CCDC33: variants seen among roughly 807,000 people sequenced by gnomAD.
CCDC33 encodes the protein coiled-coil domain-containing protein 33.
Under a neutral mutation model 91.9 loss-of-function variants are expected in CCDC33, and 94 were observed. That is an observed-to-expected ratio of 1.02 (90% CI 0.87 to 1.21). The LOEUF is 1.21. CCDC33 is among the 50% of genes most tolerant of loss of function. The pLI, the probability that CCDC33 is intolerant of heterozygous loss-of-function variation, is 0.00. For missense variants in CCDC33, 940 were observed against 935.5 expected (o/e 1.00, Z -0.06); for synonymous variants, 396 against 374.5 (o/e 1.06, Z -0.66).
intron 7 of CCDC33, among the ~76,000 whole-genome samples, chr15:74,274,096 C>T (rs892562012): frequency 3.3e-5 from 5 of 152,192 alleles, no homozygotes; most frequent in Non-Finnish European, 7.3e-5. Context: ...TCCCAAAGTG[C>T]TGGAATTACA....
intron 10 of CCDC33, among the ~76,000 whole-genome samples, chr15:74,284,993 A>G (rs974578479): frequency 3.9e-5 from 6 of 152,268 alleles, no homozygotes; most frequent in Admixed American, 3.9e-4. Flanking sequence ...TGGAGGTCTT[A>G]GAGTCCTGTG....
At position 74,268,463 on chromosome 15, in the gene CCDC33, C is replaced by T; in HGVS notation, c.546+5C>T. 6.6e-7 allele frequency: 1 copy of T among 1,514,114 alleles called. No individual in the cohort carries two copies. Among genetic ancestry groups the T allele is most frequent in the Non-Finnish European group, 9.0e-7 (1 of 1,116,544 alleles). The allele number at this position is 1,514,114 out of a possible 1,614,324, so 93.8% of individuals were successfully genotyped here. On this transcript the variant is annotated splice_donor_5th_base_variant and intron_variant, in intron 5 of 18. Transcript: ENST00000398814. ...TGCAACCACATGGCTCTGGAGGTAC[C>T]AGGGCTGGGGCCCTCTGGGGTGGTG... is the stretch of plus-strand genomic sequence containing the variant.
At chr15:74,207,887 G>T (rs2142113718) in intron 1 of CCDC33, 1 of 1,502,778 alleles carries the variant, frequency 6.7e-7, no homozygotes. Context: ...GGGCTGGAAG[G>T]CAGTGTCGTC....
chr15:74,286,545 G>T (rs561252434), intron 10 of CCDC33, among the ~76,000 whole-genome samples: 1 of 152,270 alleles, frequency 6.6e-6, no homozygotes, highest in South Asian at 2.1e-4. Flanking sequence ...TTGGAGCCTG[G>T]CATGCACACA....
chr15:74,328,681 A>G (rs952106242), intron 11 of CCDC33, among the ~76,000 whole-genome samples: 1 of 152,196 alleles, frequency 6.6e-6, no homozygotes. Flanking sequence ...GTGGCAGGTG[A>G]CAAGTGGTGT....
chr15:74,266,917 G>C, intron 4 of CCDC33, 130 bp downstream of exon 4: 1 of 636,594 alleles, frequency 1.6e-6, no homozygotes, highest in Non-Finnish European at 2.8e-6. Flanking sequence ...GGACCATGTG[G>C]GGCTCAGGAA....
At chr15:74,246,035 GCCATAGAACCTGGAAAGA>G (rs1418717389) in intron 2 of CCDC33, among the ~76,000 whole-genome samples, 2 of 152,216 alleles carry the variant, frequency 1.3e-5, no homozygotes, top group Non-Finnish European at 2.9e-5. Flanking sequence ...ACCCTCAGAG[GCCATAGAACCTGGAAAGA>G]ATTTATATCC....
intron 2 of CCDC33, among the ~76,000 whole-genome samples, chr15:74,262,052 A>T (rs2076037811): frequency 3.7e-5 from 1 of 27,212 alleles, no homozygotes; most frequent in African/African-American, 1.4e-4. Flanking sequence ...TGCCCAGAGG[A>T]TTCCTCCCAC....
At chr15:74,266,441 G>C (rs960011977) in intron 3 of CCDC33, among the ~76,000 whole-genome samples, 2 of 152,212 alleles carry the variant, frequency 1.3e-5, no homozygotes, top group African/African-American at 2.4e-5. Context: ...GGAGAAAATT[G>C]CATGTTGGGG....
At chr15:74,283,681 A>G (rs2059415955) in intron 10 of CCDC33, among the ~76,000 whole-genome samples, 1 of 152,088 alleles carries the variant, frequency 6.6e-6, no homozygotes, top group African/African-American at 2.4e-5. Context: ...GGAGGCGGGT[A>G]AAAAACCTTT....
intron 17 of CCDC33, among the ~76,000 whole-genome samples, chr15:74,334,682 T>C (rs564601113): frequency 1.3e-5 from 2 of 152,278 alleles, no homozygotes; most frequent in Admixed American, 1.3e-4. Flanking sequence ...CAGGGTTCAT[T>C]GTGTGACCAG....
intron 1 of CCDC33, chr15:74,207,697 C>T (rs1251105030): frequency 6.5e-7 from 1 of 1,535,702 alleles, no homozygotes; most frequent in Admixed American, 2.0e-5. Context: ...CTGTGCCCAC[C>T]TGTGCAGCCC....
chr15:74,219,184 G>A (rs377025691), intron 2 of CCDC33, among the ~76,000 whole-genome samples: 3 of 152,198 alleles, frequency 2.0e-5, no homozygotes, highest in African/African-American at 7.2e-5. Flanking sequence ...GGGAGGCCCC[G>A]AGTGACCAGG....
chr15:74,215,888 A>G (rs2074433421), upstream of CCDC33, among the ~76,000 whole-genome samples: 1 of 137,466 alleles, frequency 7.3e-6, no homozygotes, highest in African/African-American at 3.4e-5. Flanking sequence ...AAAAAAAAAA[A>G]AGAAAGAAAG....
intron 1 of CCDC33, among the ~76,000 whole-genome samples, chr15:74,237,514 TAAGCCA>T (rs1348498038): frequency 2.0e-5 from 3 of 152,366 alleles, no homozygotes; most frequent in Non-Finnish European, 4.4e-5. Context: ...TCAGGTTGAA[TAAGCCA>T]AATAGCTGGG....
rs146446676 is a variant in CCDC33, at chr15:74,253,228, G to A, written c.185+9080G>A. On this transcript the variant is annotated intron_variant, in intron 2 of 18. Transcript: ENST00000398814. Reference sequence around the variant, plus strand: ...CTCCTCTGCTTACTCCTGAGCATGGGCAGAGCGGCTGACAGCCTCCTCCTC... The same window carrying A: ...CTCCTCTGCTTACTCCTGAGCATGGACAGAGCGGCTGACAGCCTCCTCCTC... 2.0e-4 allele frequency among the ~76,000 whole-genome samples: 30 copies of A among 152,278 alleles called. No homozygotes were observed. In the East Asian group the frequency reaches 5.8e-3, roughly 29 times the overall value.
At chr15:74,270,204 T>C (rs1481187934) in intron 5 of CCDC33, among the ~76,000 whole-genome samples, 1 of 151,878 alleles carries the variant, frequency 6.6e-6, no homozygotes, top group Non-Finnish European at 1.5e-5. Context: ...CCAGCTGAGA[T>C]GGGTATTGAA....
intron 10 of CCDC33, 23 bp downstream of exon 10, chr15:74,281,872 G>C: frequency 6.2e-7 from 1 of 1,606,124 alleles, no homozygotes; most frequent in African/African-American, 1.3e-5. Context: ...GCCAGGGGAG[G>C]GTCAGGGCCA....
intron 7 of CCDC33, among the ~76,000 whole-genome samples, chr15:74,278,475 C>T (rs2076506960): frequency 6.6e-6 from 1 of 152,196 alleles, no homozygotes; most frequent in Non-Finnish European, 1.5e-5. Context: ...AGCAACGACC[C>T]GCAGCCCCGC....
Sources: gnomAD v4.1 joint callset for allele counts (sites outside exome capture counted in the v4.1 genomes callset) on GRCh38, gnomAD v4.1.1 for gene constraint, MANE v1.5 for transcripts, NCBI Gene and HGNC (gene_info 2026-07-23, HGNC 2026-07-21) for gene names.